Variants in F13A1 observed in about 807,000 individuals in gnomAD.
F13A1 encodes the protein FSF, A subunit.
F13A1 carries 47 observed loss-of-function variants against 80.1 expected under a neutral mutation model. The observed-to-expected ratio is 0.59, with a 90% CI of 0.46 to 0.75. The LOEUF is 0.75. F13A1 is among the 30% of genes least tolerant of loss of function. F13A1 has a pLI of 0.00. For synonymous variants in F13A1, 349 were observed against 344.9 expected (o/e 1.01, Z -0.13); for missense variants, 817 against 930.4 (o/e 0.88, Z 1.59).
chr6:6,171,057 C>T (rs778396692), intron 12 of F13A1, among the ~76,000 whole-genome samples: 12 of 152,016 alleles, frequency 7.9e-5, no homozygotes, highest in Admixed American at 6.6e-4. Context: ...TTCTACTCAC[C>T]CATACAAGCT....
chr6:6,299,491 C>T (rs1218283620), intron 3 of F13A1, among the ~76,000 whole-genome samples: 5 of 126,300 alleles, frequency 4.0e-5, no homozygotes, highest in Non-Finnish European at 6.2e-5. Flanking sequence ...CACTTCATTT[C>T]GTTCATTTCA....
intron 6 of F13A1, among the ~76,000 whole-genome samples, chr6:6,245,001 C>G (rs750878734): frequency 4.6e-5 from 7 of 152,114 alleles, no homozygotes; most frequent in Admixed American, 2.6e-4. Flanking sequence ...TTAGTGCTGT[C>G]ATCCTCACTA....
chr6:6,179,157 A>G (rs1583057842), intron 11 of F13A1, among the ~76,000 whole-genome samples: 1 of 152,210 alleles, frequency 6.6e-6, no homozygotes. Context: ...AGGTGGAAAT[A>G]ACAGTGACCC....
At chr6:6,266,954 G>T in intron 3 of F13A1, 145 bp from the exon 4 acceptor site, 2 of 1,197,698 alleles carry the variant, frequency 1.7e-6, no homozygotes, top group Non-Finnish European at 2.4e-6. Flanking sequence ...AGGCAAGTCT[G>T]CAAATTACTT....
chr6:6,252,986 C>T (rs1179950203), intron 4 of F13A1, among the ~76,000 whole-genome samples: 1 of 151,738 alleles, frequency 6.6e-6, no homozygotes, highest in African/African-American at 2.4e-5. Flanking sequence ...CAGTGAAACC[C>T]CATCTCTACT....
At chr6:6,223,939 G>A (rs1316441361) in intron 7 of F13A1, among the ~76,000 whole-genome samples, 3 of 152,106 alleles carry the variant, frequency 2.0e-5, no homozygotes, top group African/African-American at 7.2e-5. Context: ...CAGTGATGAA[G>A]ACATACTGAA....
chr6:6,277,821 G>A (rs1424012260), intron 3 of F13A1, among the ~76,000 whole-genome samples: 1 of 152,222 alleles, frequency 6.6e-6, no homozygotes, highest in Non-Finnish European at 1.5e-5. Flanking sequence ...TAACATGCAT[G>A]TTTATTCAGT....
At chr6:6,253,091 C>T (rs3851511) in intron 4 of F13A1, among the ~76,000 whole-genome samples, 52,447 of 140,402 alleles carry the variant, frequency 0.37, 11,011 homozygotes, top group African/African-American at 0.61. Flanking sequence ...CCCAGGAGGC[C>T]GAGATAGCAC....
At chr6:6,184,234 A>G (rs1165904741) in intron 10 of F13A1, among the ~76,000 whole-genome samples, 1 of 152,258 alleles carries the variant, frequency 6.6e-6, no homozygotes, top group Non-Finnish European at 1.5e-5. Context: ...AGGGGGAGGC[A>G]AAGTGTTTGT....
chr6:6,266,641 G>A lies in F13A1; in HGVS notation c.488C>T (p.Ala163Val), dbSNP rs1757848894. Residue 163 changes from alanine to valine, a missense_variant, in exon 4 of 15, where the codon GCT becomes GTT. Transcript: ENST00000264870. ...CIVGKFRMYV[A>V]VWTPYGVLRT... The stretch of plus-strand genomic sequence containing the variant: ...AAGTACGCCATAGGGAGTCCAGACA[G>A]CAACATACATGCGGAATTTCCCCAC... The A allele has an allele frequency of 1.2e-6, 2 of 1,614,110 alleles. No homozygotes were observed. The highest frequency in any genetic ancestry group is 2.2e-5 in the East Asian group (1 of 44,896).
At chr6:6,307,204 C>T (rs1359590618) in intron 2 of F13A1, among the ~76,000 whole-genome samples, 14 of 152,146 alleles carry the variant, frequency 9.2e-5, no homozygotes, top group Admixed American at 9.2e-4. Context: ...TAAACTGTGA[C>T]AGCCATTTCA....
At chr6:6,259,259 T>G (rs1261857509) in intron 4 of F13A1, among the ~76,000 whole-genome samples, 2 of 152,128 alleles carry the variant, frequency 1.3e-5, no homozygotes, top group African/African-American at 4.8e-5. Context: ...GGAATGTGGG[T>G]CATTGTTACT....
chr6:6,268,622 A>C (rs1165418387), intron 3 of F13A1, among the ~76,000 whole-genome samples: 3 of 151,888 alleles, frequency 2.0e-5, no homozygotes, highest in Non-Finnish European at 4.4e-5. Flanking sequence ...AAAAGACAAT[A>C]GATTTTATAA....
intron 3 of F13A1, among the ~76,000 whole-genome samples, chr6:6,294,518 C>G (rs1758286943): frequency 6.8e-6 from 1 of 145,998 alleles, no homozygotes; most frequent in African/African-American, 2.8e-5. Context: ...TATATACACA[C>G]AACACTCACA....
intron 3 of F13A1, among the ~76,000 whole-genome samples, chr6:6,300,523 C>T (rs1384917652): frequency 6.6e-6 from 1 of 152,086 alleles, no homozygotes; most frequent in Admixed American, 6.5e-5. Context: ...CGTCCGTCAC[C>T]CCTTTCTTTG....
chr6:6,152,651 T>C (rs1760399817), intron 13 of F13A1, among the ~76,000 whole-genome samples: 1 of 152,208 alleles, frequency 6.6e-6, no homozygotes, highest in African/African-American at 2.4e-5. Flanking sequence ...TGATTTAGGC[T>C]TTCTGAGACT....
Position 6,250,932 on chromosome 6 carries a change from G to A in F13A1, c.572-3C>T, listed in dbSNP as rs1583094489. 1 of 1,583,878 alleles carries A rather than the reference G, an allele frequency of 6.3e-7. No individual in the cohort carries two copies. Among genetic ancestry groups the A allele is most frequent in the South Asian group, 1.1e-5 (1 of 90,548 alleles). On this transcript the variant is annotated splice_region_variant and splice_polypyrimidine_tract_variant and intron_variant, in intron 4 of 14. Transcript: ENST00000264870. The surrounding 1 kb of genome is among the most constrained non-coding windows in gnomAD (Gnocchi z 4.2). The stretch of plus-strand genomic sequence containing the variant: ...ATTGTCCAGATACACAGCATCATCT[G>A]CATCAGGGTTTAAACATAGTGACTA...
intron 10 of F13A1, among the ~76,000 whole-genome samples, chr6:6,189,672 C>T (rs552260304): frequency 6.9e-6 from 1 of 144,420 alleles, no homozygotes. Context: ...TCCTTCATTT[C>T]AACTTTGGTG....
At chr6:6,205,504 G>A (rs1260117654) in intron 8 of F13A1, among the ~76,000 whole-genome samples, 2 of 152,176 alleles carry the variant, frequency 1.3e-5, no homozygotes, top group Non-Finnish European at 2.9e-5. Flanking sequence ...CATCCACAAA[G>A]TCTTTAGGGA....
Sources: gnomAD v4.1 joint callset for allele counts (sites outside exome capture counted in the v4.1 genomes callset) on GRCh38, gnomAD v4.1.1 for gene constraint, Gnocchi (gnomAD v3.1) non-coding constraint, MANE v1.5 for transcripts, NCBI Gene and HGNC (gene_info 2026-07-23, HGNC 2026-07-21) for gene names.